The following PTBP3 variants were observed in gnomAD, a reference collection of about 807,000 sequenced individuals.
PTBP3 encodes polypyrimidine tract-binding protein 3.
PTBP3 carries 20 observed loss-of-function variants against 58.7 expected under a neutral mutation model. That is an observed-to-expected ratio of 0.34 (90% CI 0.24 to 0.50). PTBP3 has a LOEUF of 0.50. Ranked by LOEUF, PTBP3 falls within the 20% of genes least tolerant of loss-of-function variation. PTBP3 has a pLI of 0.98. For synonymous variants in PTBP3, 185 were observed against 219.8 expected (o/e 0.84, Z 1.40); for missense variants, 509 against 637.2 (o/e 0.80, Z 2.17).
the PTBP3 span, among the ~76,000 whole-genome samples, chr9:112,352,574 G>T: frequency 2.0e-5 from 3 of 152,148 alleles, no homozygotes; most frequent in East Asian, 5.8e-4. Context: ...TGAACCCCAG[G>T]GTGTATTTCT....
chr9:112,261,829 A>G (rs1296375531), intron 5 of PTBP3, among the ~76,000 whole-genome samples: 1 of 152,236 alleles, frequency 6.6e-6, no homozygotes, highest in African/African-American at 2.4e-5. Flanking sequence ...TACGCTCTAC[A>G]ATATTCTATA....
the PTBP3 span, among the ~76,000 whole-genome samples, chr9:112,343,176 A>G: frequency 2.0e-5 from 3 of 151,772 alleles, no homozygotes; most frequent in Admixed American, 2.0e-4. Flanking sequence ...ACATTAGGGG[A>G]ATCTGGACAG....
At chr9:112,279,509 G>A (rs970328807) in intron 2 of PTBP3, among the ~76,000 whole-genome samples, 1 of 152,070 alleles carries the variant, frequency 6.6e-6, no homozygotes, top group Non-Finnish European at 1.5e-5. Flanking sequence ...ACTTTAGATA[G>A]AATAAGACAT....
chr9:112,250,720 A>T (rs909504804), intron 7 of PTBP3, among the ~76,000 whole-genome samples: 2 of 152,186 alleles, frequency 1.3e-5, no homozygotes, highest in Non-Finnish European at 2.9e-5. Flanking sequence ...TAAATTTGTA[A>T]CTCAATTTCA....
chr9:112,312,404 A>G (rs553508245), intron 1 of PTBP3, among the ~76,000 whole-genome samples: 21 of 151,416 alleles, frequency 1.4e-4, no homozygotes, highest in South Asian at 8.4e-4. Flanking sequence ...GACTGAGACA[A>G]GAGGATCACT....
chr9:112,344,039 G>A, the PTBP3 span, among the ~76,000 whole-genome samples: 4 of 151,560 alleles, frequency 2.6e-5, no homozygotes, highest in Non-Finnish European at 5.9e-5. Context: ...CATCCAGTAT[G>A]TTGCTTCTCT....
intron 1 of PTBP3, among the ~76,000 whole-genome samples, chr9:112,300,054 C>A (rs576982582): frequency 2.0e-5 from 3 of 152,220 alleles, no homozygotes; most frequent in African/African-American, 7.2e-5. Context: ...AAGTTAAAAC[C>A]ACAATGAAAT....
In PTBP3 at chr9:112,219,485, C is replaced by T. The variant is rs980648755; in HGVS notation, c.*4366G>A. On this transcript the variant is annotated 3_prime_UTR_variant, in exon 14 of 14. Transcript: ENST00000374257. The stretch of plus-strand genomic sequence containing the variant: ...TGATCACCAAGGTCACTGGACCAGA[C>T]AAATATCCCTGTTCTCTGGAACATA... The T allele has an allele frequency of 6.6e-6, 1 of 152,408 alleles. No homozygotes were observed. Among genetic ancestry groups the T allele is most frequent in the South Asian group, 2.1e-4 (1 of 4,830 alleles). The allele number at this position is 152,408 out of a possible 1,614,324, so 9.4% of individuals were successfully genotyped here.
rs139105260 is a variant in PTBP3 at position 112,328,537 on chromosome 9, T to C, written c.-52+4933A>G. Among the ~76,000 whole-genome samples, 305 of 152,362 alleles carry C rather than the reference T, an allele frequency of 2.0e-3. 2 individuals are homozygous for C. Among genetic ancestry groups the C allele is most frequent in the African/African-American group, 7.1e-3 (294 of 41,580 alleles). ...TAACATTTAAATCTTCTTTCACTTA[T>C]GAAGACATATCTTTAGGGCAGGCAC... On this transcript the variant is annotated intron_variant, in intron 1 of 13. Coordinates refer to ENST00000374257, the MANE Select transcript of PTBP3 (RefSeq NM_001163788.4).
the PTBP3 span, among the ~76,000 whole-genome samples, chr9:112,360,036 C>T: frequency 6.6e-6 from 1 of 152,146 alleles, no homozygotes; most frequent in East Asian, 1.9e-4. Context: ...AATATATAGA[C>T]ATTAAAATGC....
chr9:112,273,228 G>A (rs1487085769), intron 3 of PTBP3, among the ~76,000 whole-genome samples: 3 of 152,112 alleles, frequency 2.0e-5, no homozygotes, highest in Non-Finnish European at 4.4e-5. Context: ...GATCTTAAAA[G>A]AGCAAAACTG....
At chr9:112,282,254 A>G (rs541167639) in intron 2 of PTBP3, among the ~76,000 whole-genome samples, 2 of 152,264 alleles carry the variant, frequency 1.3e-5, no homozygotes, top group East Asian at 3.9e-4. Flanking sequence ...GATACTGGCA[A>G]TTTGTGTCTT....
At chr9:112,373,987 T>C in the PTBP3 span, among the ~76,000 whole-genome samples, 1 of 152,302 alleles carries the variant, frequency 6.6e-6, no homozygotes, top group Middle Eastern at 3.4e-3. Context: ...GTGGTTTTTT[T>C]TTCCTGGTGG....
Position 112,221,493 on chromosome 9 carries a change from A to T in PTBP3, c.*2358T>A, listed in dbSNP as rs971025667. The T allele has an allele frequency of 5.1e-6, 5 of 985,562 alleles. No homozygotes were observed. In the South Asian group the frequency reaches 2.3e-4, roughly 46 times the overall value. The allele number at this position is 985,562 out of a possible 1,614,324, so 61.1% of individuals were successfully genotyped here. ...AGTAATTCCTAACTTAAAGTAAATG[A>T]AATAATCCAATTTAACATGGCACTG... On this transcript the variant is annotated 3_prime_UTR_variant, in exon 14 of 14. Coordinates refer to ENST00000374257, the MANE Select transcript of PTBP3 (RefSeq NM_001163788.4).
At chr9:112,346,916 G>C in the PTBP3 span, among the ~76,000 whole-genome samples, 3 of 151,906 alleles carry the variant, frequency 2.0e-5, no homozygotes, top group South Asian at 6.2e-4. Context: ...TAGAGATGGA[G>C]TTTCGCCATG....
chr9:112,260,806 G>A (rs1056436239), intron 5 of PTBP3, among the ~76,000 whole-genome samples: 1 of 152,214 alleles, frequency 6.6e-6, no homozygotes, highest in Non-Finnish European at 1.5e-5. Flanking sequence ...AAAAAAGTGA[G>A]TGCTATAACT....
At chr9:112,354,861 G>C in the PTBP3 span, among the ~76,000 whole-genome samples, 2 of 152,190 alleles carry the variant, frequency 1.3e-5, no homozygotes, top group Non-Finnish European at 2.9e-5. Flanking sequence ...AAAATAAAAT[G>C]CTATCTTGAT....
upstream of PTBP3, among the ~76,000 whole-genome samples, chr9:112,336,508 T>C (rs1286321275): frequency 1.3e-5 from 1 of 74,434 alleles, no homozygotes; most frequent in Non-Finnish European, 2.4e-5. Context: ...TGGCTGGGCA[T>C]GGTGGCTCAC....
intron 7 of PTBP3, among the ~76,000 whole-genome samples, chr9:112,246,641 C>T (rs949102072): frequency 6.7e-5 from 10 of 148,852 alleles, no homozygotes; most frequent in East Asian, 2.0e-4. Flanking sequence ...AGCAGTGAGC[C>T]GAGATCACAC....
Sources: gnomAD v4.1 joint callset for allele counts (sites outside exome capture counted in the v4.1 genomes callset) on GRCh38, gnomAD v4.1.1 for gene constraint, MANE v1.5 for transcripts, NCBI Gene and HGNC (gene_info 2026-07-23, HGNC 2026-07-21) for gene names.